The following PRR11 variants were observed in gnomAD, a reference collection of about 807,000 sequenced individuals.
PRR11 encodes proline-rich protein 11.
PRR11 carries 30 observed loss-of-function variants against 45.6 expected under a neutral mutation model. The observed-to-expected ratio is 0.66, with a 90% CI of 0.49 to 0.89. PRR11 has a LOEUF of 0.89. Among genes scored for constraint, PRR11 ranks in the 40% least tolerant of loss-of-function variants. The pLI is 0.00. For missense variants in PRR11, 373 were observed against 424.8 expected, an observed-to-expected ratio of 0.88 and a Z score of 1.07; for synonymous variants, 128 against 153.5, an observed-to-expected ratio of 0.83 and a Z score of 1.23.
chr17:59,197,767 A>C lies in PRR11; in HGVS notation c.992A>C (p.Gln331Pro). ...TGTGLTPVMT[Q>P]ALRRKFQLAH... ...ACAGGACTGACTCCAGTGATGACGC[A>C]GGCCTTAAGGAGAAAGTTTCAGGTA... Residue 331 changes from glutamine to proline, a missense_variant, in exon 9 of 10, where the codon CAG (glutamine) becomes CCG (proline). By Grantham distance (76) the Gln-to-Pro change is moderately conservative (BLOSUM62 -1). Transcript: ENST00000262293. The C allele has an allele frequency of 1.2e-6, 2 of 1,613,756 alleles. No homozygotes were observed. The highest frequency in any genetic ancestry group is 1.7e-6 in the Non-Finnish European group (2 of 1,179,852).
At chr17:59,157,897 TAGAA>T (rs762607233) in intron 1 of PRR11, among the ~76,000 whole-genome samples, 1 of 152,074 alleles carries the variant, frequency 6.6e-6, no homozygotes, top group African/African-American at 2.4e-5. Context: ...GAAAGGCTGA[TAGAA>T]AGAAACAGAA....
rs764431288 is a variant in PRR11, at chr17:59,194,772, A to G, written c.661A>G (p.Lys221Glu). ...AKALQAGPLK[K>E]DGPMQITVKD... The stretch of plus-strand genomic sequence containing the variant: ...GTATTTTAAGGCTGGACCATTAAAA[A>G]AAGATGGACCCATGCAGATAACAGT... The change falls in exon 6 of 10, where the codon AAA (lysine) becomes GAA (glutamate). Residue 221 changes from lysine to glutamate, a missense_variant. By Grantham distance (56) the Lys-to-Glu change is moderately conservative (BLOSUM62 1). Transcript: ENST00000262293. 1 of 1,613,194 alleles carries G rather than the reference A, an allele frequency of 6.2e-7. No homozygotes were observed. Among genetic ancestry groups the G allele is most frequent in the Non-Finnish European group, 8.5e-7 (1 of 1,179,584 alleles).
At chr17:59,179,653 C>A in intron 2 of PRR11, 1 of 1,502,350 alleles carries the variant, frequency 6.7e-7, no homozygotes. Flanking sequence ...TCCTACCAAG[C>A]AGCCTGTTGA....
intron 1 of PRR11, among the ~76,000 whole-genome samples, chr17:59,167,418 TAATTATATTACTGGAAAGGG>T (rs2046685413): frequency 1.3e-5 from 2 of 152,194 alleles, no homozygotes; most frequent in South Asian, 4.1e-4. Flanking sequence ...TATCTAGCTG[TAATTATATTACTGGAAAGGG>T]GTCCCAATCC....
chr17:59,189,630 G>T lies in PRR11; in HGVS notation c.403-3862G>T, dbSNP rs143331838. On this transcript the variant is annotated intron_variant, in intron 4 of 9. Transcript: ENST00000262293. ...ATTCTAGACATGAGCCACCACACCA[G>T]GCCTAAATAAAATTATTGAGACTAG... 9.2e-3 allele frequency among the ~76,000 whole-genome samples: 1,401 copies of T among 151,868 alleles called. 25 individuals are homozygous for T. The highest frequency in any genetic ancestry group is 0.032 in the African/African-American group (1,307 of 41,414).
chr17:59,175,120 C>T, intron 2 of PRR11: 1 of 563,386 alleles, frequency 1.8e-6, no homozygotes, highest in South Asian at 1.7e-5. Flanking sequence ...ATGTCATTGG[C>T]CAGGTAGCTG....
chr17:59,169,227 T>A (rs1008456940), intron 1 of PRR11, among the ~76,000 whole-genome samples: 1 of 147,196 alleles, frequency 6.8e-6, no homozygotes, highest in Non-Finnish European at 1.5e-5. Context: ...GCCTCCCCAA[T>A]AGCTGGGATT....
chr17:59,183,215 C>T (rs1395247943), intron 2 of PRR11, among the ~76,000 whole-genome samples: 1 of 152,188 alleles, frequency 6.6e-6, no homozygotes, highest in Non-Finnish European at 1.5e-5. Flanking sequence ...CCAAAAGCAT[C>T]TTCAGGGTCT....
In PRR11 at chr17:59,193,694, C is replaced by T; in HGVS notation, c.605C>T (p.Pro202Leu). 1.9e-6 allele frequency: 3 copies of T among 1,614,060 alleles called. No individual in the cohort carries two copies. Among genetic ancestry groups the T allele is most frequent in the African/African-American group, 1.3e-5 (1 of 75,044 alleles). Residue 202 changes from proline to leucine, a missense_variant, in exon 5 of 10, where the codon CCT (proline) becomes CTT (leucine). Transcript: ENST00000262293. ...CCACCTCCTCCACCACCACTAGCAC[C>T]TGTGTTGCTCAGAAAACCCAGTCTC... is the stretch of plus-strand genomic sequence containing the variant. The part of the protein sequence containing the change: ...PLPPPPPPLA[P>L]VLLRKPSLAK...
Position 59,201,710 on chromosome 17 carries a change from C to T in PRR11, c.*79C>T. The T allele has an allele frequency of 1.4e-6, 2 of 1,445,266 alleles. No individual in the cohort carries two copies. The highest frequency in any genetic ancestry group is 1.9e-6 in the Non-Finnish European group (2 of 1,033,898). The allele number at this position is 1,445,266 out of a possible 1,614,324, so 89.5% of individuals were successfully genotyped here. A position where few individuals can be genotyped will look rare whatever the true frequency, so the allele number is the denominator to read the frequency against. ...ACCCAGCTGGGTGCAGTGGCTCACA[C>T]CTGTAATCCCAGCACTTTGGGAGGC... On this transcript the variant is annotated 3_prime_UTR_variant, in exon 10 of 10. Coordinates refer to ENST00000262293, the MANE Select transcript of PRR11 (RefSeq NM_018304.4).
chr17:59,170,390 T>A (rs1235780759), intron 2 of PRR11, among the ~76,000 whole-genome samples: 2 of 152,178 alleles, frequency 1.3e-5, no homozygotes, highest in South Asian at 2.1e-4. Context: ...ATTAATTTTT[T>A]ATTTTAATTT....
At chr17:59,193,164 G>A (rs759407053) in intron 4 of PRR11, among the ~76,000 whole-genome samples, 69 of 152,128 alleles carry the variant, frequency 4.5e-4, no homozygotes, top group Non-Finnish European at 8.5e-4. Context: ...GCTGGATTCA[G>A]CCTTCCAAAG....
rs2147849609 is a variant in PRR11 at position 59,185,428 on chromosome 17, T to C, written c.280-12T>C. On this transcript the variant is annotated splice_polypyrimidine_tract_variant and intron_variant, in intron 3 of 9. Transcript: ENST00000262293. ...ACTCATAGGACTCAGAATTGTTTAT[T>C]ATTAATTTCAGAGTTTAGAAGTATT... 6.3e-7 allele frequency: 1 copy of C among 1,591,226 alleles called. No individual in the cohort carries two copies. Among genetic ancestry groups the C allele is most frequent in the South Asian group, 1.1e-5 (1 of 89,306 alleles).
chr17:59,196,087 C>CAAAA (rs57940331), intron 7 of PRR11, among the ~76,000 whole-genome samples: 6 of 71,338 alleles, frequency 8.4e-5, no homozygotes, highest in African/African-American at 1.5e-4. Flanking sequence ...GACTCCATCT[C>CAAAA]AAAAAAAAAA....
intron 8 of PRR11, 41 bp from the exon 9 acceptor site, chr17:59,197,652 G>T (rs1414362817): frequency 6.2e-7 from 1 of 1,610,752 alleles, no homozygotes; most frequent in Non-Finnish European, 8.5e-7. Flanking sequence ...TTTAAAAGTT[G>T]CCATAAAATA....
chr17:59,185,472 A>G lies in PRR11; in HGVS notation c.312A>G (p.Pro104=). 6.2e-7 allele frequency: 1 copy of G among 1,606,846 alleles called. No individual in the cohort carries two copies. The highest frequency in any genetic ancestry group is 1.3e-5 in the African/African-American group (1 of 74,432). Residue 104 remains proline (P), a synonymous_variant, in exon 4 of 10, where the codon CCA becomes CCG. Transcript: ENST00000262293. ...AAGTATTGAAAGACACCATCTTTCCATCTCGTATCTGCCACCGAGAACTTT... is the reference window on the plus strand; with the variant it reads ...AAGTATTGAAAGACACCATCTTTCCGTCTCGTATCTGCCACCGAGAACTTT... ...SLEVLKDTIF[P]SRICHRELYS... is the part of the protein sequence containing the mutation.
At chr17:59,199,202 G>C (rs493740) in intron 9 of PRR11, among the ~76,000 whole-genome samples, 38,120 of 152,124 alleles carry the variant, frequency 0.25, 5,320 homozygotes, top group Middle Eastern at 0.4. Flanking sequence ...CTTGAGGTGA[G>C]AGTCGAAGAA....
In PRR11 at chr17:59,155,758, G is replaced by A. The variant is rs1400193055; in HGVS notation, c.-53G>A. 6.2e-6 allele frequency: 1 copy of A among 162,554 alleles called. No homozygotes were observed. The highest frequency in any genetic ancestry group is 1.4e-5 in the Non-Finnish European group (1 of 72,960). 10.1% of individuals were successfully genotyped at this position (162,554 alleles called of 1,614,324 possible). A position where few individuals can be genotyped will look rare whatever the true frequency, so the allele number is the denominator to read the frequency against. ...ATTTTGAATTTTTCTTTATGGCGTGGGAGAGGCCACAGCCCGGACTCCATC... is the reference window on the plus strand; with the variant it reads ...ATTTTGAATTTTTCTTTATGGCGTGAGAGAGGCCACAGCCCGGACTCCATC... On this transcript the variant is annotated 5_prime_UTR_variant, in exon 1 of 10. The change creates a premature stop within an existing upstream ORF in the 5' untranslated region. Coordinates refer to ENST00000262293, the MANE Select transcript of PRR11 (RefSeq NM_018304.4).
chr17:59,185,031 G>C, intron 2 of PRR11, 23 bp from the exon 3 acceptor site: 1 of 1,606,384 alleles, frequency 6.2e-7, no homozygotes, highest in Non-Finnish European at 8.5e-7. Context: ...TTTTTTATTT[G>C]TTTCATTTTG....
Sources: allele counts gnomAD v4.1 joint callset (sites outside exome capture counted in the v4.1 genomes callset), GRCh38; gene constraint gnomAD v4.1.1; transcripts MANE v1.5; gene names NCBI Gene and HGNC (gene_info 2026-07-23, HGNC 2026-07-21).